DAP: variants seen among roughly 807,000 people sequenced by gnomAD.
DAP encodes the protein death-associated protein 1.
A neutral mutation model predicts 13.8 loss-of-function variants in DAP; 8 were observed. The ratio of observed to expected loss-of-function variants is 0.58; its 90% confidence interval spans 0.34 to 1.05. The LOEUF is 1.05. Ranked by LOEUF, DAP falls within the 50% of genes least tolerant of loss-of-function variation. DAP has a pLI of 0.03. For missense variants in DAP, 106 were observed against 133.2 expected (o/e 0.80, Z 1.01); for synonymous variants, 47 against 47.5 (o/e 0.99, Z 0.04).
chr5:10,716,583 A>G (rs1419293330), intron 2 of DAP, among the ~76,000 whole-genome samples: 7 of 152,160 alleles, frequency 4.6e-5, no homozygotes, highest in Admixed American at 6.5e-5. Context: ...AACATGAAGC[A>G]AGAGACTAGC....
chr5:10,686,876 G>A (rs140869645), intron 2 of DAP, among the ~76,000 whole-genome samples: 187 of 152,338 alleles, frequency 1.2e-3, no homozygotes, highest in African/African-American at 4.4e-3. Flanking sequence ...GGAAAAAGAT[G>A]TCATCTAGGA....
intron 2 of DAP, among the ~76,000 whole-genome samples, chr5:10,721,142 T>A (rs1739128040): frequency 6.6e-6 from 1 of 152,192 alleles, no homozygotes. Flanking sequence ...TGGGGCAAAG[T>A]TCTCCAAAAG....
chr5:10,701,568 A>C (rs1480322106), intron 2 of DAP, among the ~76,000 whole-genome samples: 2 of 151,350 alleles, frequency 1.3e-5, no homozygotes, highest in Non-Finnish European at 2.9e-5. Context: ...CAGTTTCTTA[A>C]AATAAATAAA....
intron 2 of DAP, among the ~76,000 whole-genome samples, chr5:10,716,613 C>T (rs575435932): frequency 6.6e-6 from 1 of 152,322 alleles, no homozygotes; most frequent in South Asian, 2.1e-4. Flanking sequence ...CAGCCTACAT[C>T]TTTCTCCCAT....
intron 2 of DAP, among the ~76,000 whole-genome samples, chr5:10,709,645 T>C (rs1246718733): frequency 6.6e-6 from 1 of 152,164 alleles, no homozygotes. Flanking sequence ...ATAATGAATT[T>C]CCAGGAGAGA....
intron 2 of DAP, among the ~76,000 whole-genome samples, chr5:10,703,891 G>C (rs1454338762): frequency 1.3e-5 from 2 of 152,252 alleles, no homozygotes; most frequent in East Asian, 3.9e-4. Flanking sequence ...CTGGGGGCCA[G>C]GCACTGGCTT....
chr5:10,690,939 C>T (rs547042962), intron 2 of DAP, among the ~76,000 whole-genome samples: 16 of 152,194 alleles, frequency 1.1e-4, no homozygotes, highest in South Asian at 8.3e-4. Context: ...TCCCTGCCAA[C>T]GCTCGTTGTT....
intron 1 of DAP, among the ~76,000 whole-genome samples, chr5:10,749,344 C>A (rs1405168332): frequency 2.0e-5 from 3 of 152,114 alleles, no homozygotes; most frequent in Non-Finnish European, 4.4e-5. Context: ...AACTGCCAGG[C>A]CACATGGTGC....
At position 10,694,071 on chromosome 5, in the gene DAP, C is replaced by T. The variant is rs536418309; in HGVS notation, c.153-10500G>A. 2.4e-3 allele frequency among the ~76,000 whole-genome samples: 367 copies of T among 152,104 alleles called. 1 individual carries two copies. The highest frequency in any genetic ancestry group is 3.7e-3 in the Non-Finnish European group (249 of 68,000). On this transcript the variant is annotated intron_variant, in intron 2 of 3. Coordinates refer to ENST00000230895, the MANE Select transcript of DAP (RefSeq NM_004394.3). ...CAAGGGCTGTGCTCTTCAGTCGGGT[C>T]GTCTGAGATCTCCACCATCTCAGAC...
At chr5:10,703,542 C>T (rs1044779101) in intron 2 of DAP, among the ~76,000 whole-genome samples, 1 of 152,088 alleles carries the variant, frequency 6.6e-6, no homozygotes, top group African/African-American at 2.4e-5. Flanking sequence ...GAAGTTAGCT[C>T]TAAAAAAACT....
At chr5:10,710,788 G>A (rs964760263) in intron 2 of DAP, among the ~76,000 whole-genome samples, 4 of 152,190 alleles carry the variant, frequency 2.6e-5, no homozygotes, top group Non-Finnish European at 5.9e-5. Flanking sequence ...ACACTGTGGA[G>A]TCAGTGAGAA....
At position 10,707,370 on chromosome 5, in the gene DAP, GCA is replaced by G. The variant is rs1227565050; in HGVS notation, c.153-23801_153-23800del. Among the ~76,000 whole-genome samples, 5 of 152,220 alleles carry G rather than the reference GCA, an allele frequency of 3.3e-5. No individual in the cohort carries two copies. The highest frequency in any genetic ancestry group is 6.5e-5 in the Admixed American group (1 of 15,284). ...TGCATTCTGCCTTTTCTCAACAGCA[GCA>G]CAAACTTGAGTAATTTAAAGATTCA... On this transcript the variant is annotated intron_variant, in intron 2 of 3. Transcript: ENST00000230895. The surrounding 1 kb of genome is among the most constrained non-coding windows in gnomAD (Gnocchi z 4.0).
intron 2 of DAP, among the ~76,000 whole-genome samples, chr5:10,745,575 T>A (rs556645769): frequency 6.6e-6 from 1 of 152,342 alleles, no homozygotes; most frequent in South Asian, 2.1e-4. Context: ...CATATTTATT[T>A]AAATTGATCA....
chr5:10,683,449 T>C (rs1194835539), intron 3 of DAP, 80 bp downstream of exon 3: 37 of 1,369,986 alleles, frequency 2.7e-5, no homozygotes, highest in East Asian at 2.1e-4. Flanking sequence ...AGGTAGAGTT[T>C]AACAAAACCA....
intron 1 of DAP, among the ~76,000 whole-genome samples, chr5:10,750,776 T>C (rs1181782150): frequency 6.6e-6 from 1 of 152,210 alleles, no homozygotes; most frequent in African/African-American, 2.4e-5. Context: ...TTCTTGCTCT[T>C]GTCCTGGGAG....
chr5:10,711,075 T>C (rs1031482116), intron 2 of DAP, among the ~76,000 whole-genome samples: 1 of 152,188 alleles, frequency 6.6e-6, no homozygotes, highest in African/African-American at 2.4e-5. Flanking sequence ...ATCTAAGACT[T>C]GAACTCTTGA....
chr5:10,689,292 A>G (rs1393236347), intron 2 of DAP, among the ~76,000 whole-genome samples: 1 of 151,984 alleles, frequency 6.6e-6, no homozygotes, highest in East Asian at 1.9e-4. Flanking sequence ...GAGCTGCTCA[A>G]GACACTGTCC....
chr5:10,681,135 AC>A lies in DAP; in HGVS notation c.229del (p.Val77TrpfsTer143). On this transcript the variant is annotated frameshift_variant, in exon 4 of 4. Coordinates refer to ENST00000230895, the MANE Select transcript of DAP (RefSeq NM_004394.3). LOFTEE classifies it high-confidence loss of function. ...GGAGGCATGCGGCTTCTGGTGAGCCACCTGCGCAGCCGCCGGGGGGAAATCT... is the reference window on the plus strand; with the variant it reads ...GGAGGCATGCGGCTTCTGGTGAGCCACTGCGCAGCCGCCGGGGGGAAATCT... ...DKDFPPAAAQ[V>X]AHQKPHASMD... is the part of the protein sequence containing the mutation. 6.5e-7 allele frequency: 1 copy of A among 1,538,388 alleles called. No homozygotes were observed. Among genetic ancestry groups the A allele is most frequent in the Non-Finnish European group, 8.7e-7 (1 of 1,145,440 alleles).
intron 2 of DAP, among the ~76,000 whole-genome samples, chr5:10,733,220 T>C: frequency 6.7e-6 from 1 of 149,422 alleles, no homozygotes; most frequent in Non-Finnish European, 1.5e-5. Flanking sequence ...ACCCTACATT[T>C]TGTTTCTCCA....
Sources: gnomAD v4.1 joint callset for allele counts (sites outside exome capture counted in the v4.1 genomes callset) on GRCh38, gnomAD v4.1.1 for gene constraint, Gnocchi (gnomAD v3.1) non-coding constraint, MANE v1.5 for transcripts, NCBI Gene and HGNC (gene_info 2026-07-23, HGNC 2026-07-21) for gene names.